Variants in LETM2 observed in about 807,000 individuals in gnomAD.
LETM2 encodes leucine zipper and EF-hand containing transmembrane protein 2.
In LETM2, 58 loss-of-function variants were observed where a neutral mutation model predicts 59.6. That is an observed-to-expected ratio of 0.97 (90% CI 0.79 to 1.21). The LOEUF (loss-of-function observed/expected upper bound fraction) is 1.21, where lower values mean the gene tolerates loss of function less well. LETM2 is among the 50% of genes most tolerant of loss of function. The pLI, the probability that LETM2 is intolerant of heterozygous loss-of-function variation, is 0.00. For missense variants in LETM2, 572 were observed against 575.7 expected (o/e 0.99, Z 0.07); for synonymous variants, 199 against 214.1 (o/e 0.93, Z 0.62).
intron 6 of LETM2, among the ~76,000 whole-genome samples, chr8:38,402,071 T>C (rs970116131): frequency 2.0e-5 from 3 of 152,136 alleles, no homozygotes; most frequent in African/African-American, 7.2e-5. Flanking sequence ...ACTGTGTTAT[T>C]TACTGAGGGA....
chr8:38,399,052 AT>A (rs137895240), intron 4 of LETM2, among the ~76,000 whole-genome samples: 30,688 of 145,412 alleles, frequency 0.21, 3,275 homozygotes, highest in East Asian at 0.31. Flanking sequence ...CTATTGTGTG[AT>A]TTTTTTTTTT....
chr8:38,391,300 G>GTTTTTTTTTTTTTTTTTTTTTT (rs761566202), intron 2 of LETM2, among the ~76,000 whole-genome samples: 1 of 109,162 alleles, frequency 9.2e-6, no homozygotes, highest in Non-Finnish European at 1.9e-5. Context: ...TTTTATTTTA[G>GTTTTTTTTTTTTTTTTTTTTTT]TTTTTTTTTT....
intron 2 of LETM2, among the ~76,000 whole-genome samples, chr8:38,391,343 G>A (rs373961377): frequency 1.6e-4 from 20 of 124,792 alleles, no homozygotes; most frequent in East Asian, 6.9e-4. Context: ...TCGCTTTGTC[G>A]CCAGGCTGGA....
At chr8:38,406,899 T>C (rs202196756) in intron 8 of LETM2, 47 bp from the exon 9 acceptor site, 352 of 1,327,968 alleles carry the variant, frequency 2.7e-4, no homozygotes, top group Non-Finnish European at 3.6e-4. Flanking sequence ...TTCTGGGTTT[T>C]AGGAAGAGCA....
chr8:38,389,762 A>T (rs1812063828), intron 2 of LETM2, among the ~76,000 whole-genome samples: 1 of 151,910 alleles, frequency 6.6e-6, no homozygotes, highest in Non-Finnish European at 1.5e-5. Flanking sequence ...ACACTTTGGG[A>T]GGCCGAGGCG....
At chr8:38,389,063 G>A (rs1315304421) in intron 2 of LETM2, among the ~76,000 whole-genome samples, 1 of 152,138 alleles carries the variant, frequency 6.6e-6, no homozygotes, top group Non-Finnish European at 1.5e-5. Context: ...ACTGTGCCCA[G>A]CCAGAAGATG....
At chr8:38,406,776 T>C in intron 8 of LETM2, 170 bp from the exon 9 acceptor site, 2 of 508,942 alleles carry the variant, frequency 3.9e-6, no homozygotes, top group Non-Finnish European at 7.1e-6. Context: ...ACTAAGTTGC[T>C]ACATCAGGGG....
chr8:38,396,927 A>G (rs1046393178), intron 4 of LETM2: 1 of 314,048 alleles, frequency 3.2e-6, no homozygotes, highest in Admixed American at 4.2e-5. Flanking sequence ...AAAAAAAAAG[A>G]ATAAAGAAAA....
intron 8 of LETM2, 119 bp from the exon 9 acceptor site, chr8:38,406,827 G>A (rs1813757775): frequency 6.3e-6 from 4 of 633,660 alleles, no homozygotes; most frequent in Admixed American, 5.4e-5. Context: ...AGCTAGAGGA[G>A]GAAGTTAGGG....
rs765626328 is a variant in LETM2, at chr8:38,402,657, G to A, written c.1104+13G>A. The A allele has an allele frequency of 1.4e-5, 22 of 1,613,506 alleles. No individual in the cohort carries two copies. Among genetic ancestry groups the A allele is most frequent in the Middle Eastern group, 1.7e-4 (1 of 5,996 alleles). ...ACAGCTCACGGAGGCAAGTAGCAGC[G>A]CCCCTCTGGGGTCCTCTTCCCTAGA... On this transcript the variant is annotated intron_variant, in intron 7 of 10. Transcript: ENST00000379957.
intron 1 of LETM2, among the ~76,000 whole-genome samples, chr8:38,387,543 A>G (rs1811870272): frequency 6.6e-6 from 1 of 152,198 alleles, no homozygotes; most frequent in Non-Finnish European, 1.5e-5. Flanking sequence ...CAACTTGCCT[A>G]AATATAGAAC....
chr8:38,408,187 T>TA (rs745345197), intron 10 of LETM2, 25 bp from the exon 11 acceptor site: 3 of 1,603,254 alleles, frequency 1.9e-6, no homozygotes, highest in Non-Finnish European at 2.6e-6. Context: ...GACTAATGCC[T>TA]ACAGTCCTTG....
intron 7 of LETM2, among the ~76,000 whole-genome samples, chr8:38,403,951 C>T (rs1380865541): frequency 1.3e-5 from 2 of 152,118 alleles, no homozygotes; most frequent in African/African-American, 2.4e-5. Flanking sequence ...CTCAAACTCC[C>T]GGGCTCAAGC....
chr8:38,405,817 G>A (rs1813670266), intron 8 of LETM2, among the ~76,000 whole-genome samples: 1 of 152,194 alleles, frequency 6.6e-6, no homozygotes, highest in Non-Finnish European at 1.5e-5. Context: ...TGGGTTCTCA[G>A]AATTATTCTA....
intron 8 of LETM2, chr8:38,406,693 T>C (rs968976926): frequency 3.2e-5 from 12 of 374,826 alleles, no homozygotes; most frequent in African/African-American, 2.3e-4. Flanking sequence ...TTGCTAATGA[T>C]TATTTTAAAT....
intron 5 of LETM2, 26 bp from the exon 6 acceptor site, chr8:38,400,827 A>G: frequency 1.3e-6 from 2 of 1,591,766 alleles, no homozygotes; most frequent in Non-Finnish European, 1.7e-6. Flanking sequence ...ACACATTTTA[A>G]TTGGCCTTTT....
chr8:38,387,103 C>G (rs1406302151), intron 1 of LETM2: 2 of 152,256 alleles, frequency 1.3e-5, no homozygotes, highest in Non-Finnish European at 2.9e-5. Context: ...TGTCCGCCGC[C>G]CGGGAGCGCC....
Position 38,392,925 on chromosome 8 carries a change from C to G in LETM2, c.431C>G (p.Ala144Gly). The G allele has an allele frequency of 6.2e-7, 1 of 1,612,634 alleles. No homozygotes were observed. Among genetic ancestry groups the G allele is most frequent in the Non-Finnish European group, 8.5e-7 (1 of 1,180,024 alleles). ...YNGFYLLWIDAKVAARMVWRL... is the reference protein window; with the variant it reads ...YNGFYLLWIDGKVAARMVWRL... ...GGATTCTACTTACTTTGGATTGACG[C>G]CAAAGTTGCTGCCAGAATGGTTTGG... The change falls in exon 3 of 11, where the codon GCC (alanine) becomes GGC (glycine). Residue 144 changes from alanine to glycine, a missense_variant. Coordinates refer to ENST00000379957, the MANE Select transcript of LETM2 (RefSeq NM_001286819.2).
chr8:38,400,544 T>A, intron 5 of LETM2, 135 bp downstream of exon 5: 1 of 839,002 alleles, frequency 1.2e-6, no homozygotes, highest in Non-Finnish European at 1.8e-6. Flanking sequence ...TATAATATTG[T>A]AAACATTTAA....
Sources: allele counts gnomAD v4.1 joint callset (sites outside exome capture counted in the v4.1 genomes callset), GRCh38; gene constraint gnomAD v4.1.1; transcripts MANE v1.5; gene names NCBI Gene and HGNC (gene_info 2026-07-23, HGNC 2026-07-21).